Variants in CA8 observed in about 807,000 individuals in gnomAD.
The protein encoded by CA8 is carbonic anhydrase-related protein.
A neutral mutation model predicts 41.4 loss-of-function variants in CA8; 22 were observed. The ratio of observed to expected loss-of-function variants is 0.53; its 90% CI spans 0.38 to 0.76. The LOEUF (loss-of-function observed/expected upper bound fraction) is 0.76, where lower values mean the gene tolerates loss of function less well. CA8 is among the 30% of genes least tolerant of loss of function. The pLI, the probability that CA8 is intolerant of heterozygous loss-of-function variation, is 0.00. For missense variants in CA8, 270 were observed against 352.8 expected (o/e 0.77, Z 1.88); for synonymous variants, 121 against 130.6 (o/e 0.93, Z 0.50).
chr8:60,252,390 T>C (rs531510268), intron 3 of CA8, among the ~76,000 whole-genome samples: 1 of 152,342 alleles, frequency 6.6e-6, no homozygotes, highest in Non-Finnish European at 1.5e-5. Context: ...GTTAAGACCA[T>C]CGGACTTTAA....
At position 60,185,801 on chromosome 8, in the gene CA8, A is replaced by G. The variant is rs1263803172; in HGVS notation, c.*4220T>C. On this transcript the variant is annotated 3_prime_UTR_variant, in exon 9 of 9. Coordinates refer to ENST00000317995, the MANE Select transcript of CA8 (RefSeq NM_004056.6). Reference sequence around the variant, plus strand: ...CCTTATATAAAAATATATTAAAAAAAGGACTTCTGCCTGGAATGAAGTGAC... The same window carrying G: ...CCTTATATAAAAATATATTAAAAAAGGGACTTCTGCCTGGAATGAAGTGAC... Among the ~76,000 whole-genome samples the G allele has an allele frequency of 2.0e-5, 3 of 152,126 alleles. No individual in the cohort carries two copies. Among genetic ancestry groups the G allele is most frequent in the Non-Finnish European group, 4.4e-5 (3 of 68,002 alleles).
intron 3 of CA8, among the ~76,000 whole-genome samples, chr8:60,261,018 T>C (rs1405762030): frequency 2.6e-5 from 4 of 152,026 alleles, no homozygotes; most frequent in Non-Finnish European, 5.9e-5. Context: ...GGAGCAGCAA[T>C]CTTAAAGACC....
In CA8 at chr8:60,189,099, A is replaced by C. The variant is rs1585830708; in HGVS notation, c.*922T>G. ...ACGCTTACATCTGCTAGTGGCACCT[A>C]AAATAAGGATATTGTTGGTCATCTT... On this transcript the variant is annotated 3_prime_UTR_variant, in exon 9 of 9. Transcript: ENST00000317995. 6.6e-6 allele frequency: 1 copy of C among 152,180 alleles called. No individual in the cohort carries two copies. Among genetic ancestry groups the C allele is most frequent in the East Asian group, 1.9e-4 (1 of 5,194 alleles). 9.4% of individuals were successfully genotyped at this position (152,180 alleles called of 1,614,324 possible).
chr8:60,247,815 T>C (rs1321869502), intron 3 of CA8, among the ~76,000 whole-genome samples: 2 of 152,228 alleles, frequency 1.3e-5, no homozygotes, highest in South Asian at 4.1e-4. Flanking sequence ...TTCTAGATCC[T>C]TGAGGAATCG....
intron 2 of CA8, among the ~76,000 whole-genome samples, chr8:60,269,585 A>T (rs1804004100): frequency 6.6e-6 from 1 of 152,220 alleles, no homozygotes; most frequent in South Asian, 2.1e-4. Flanking sequence ...TAAAGACATG[A>T]TGTATATACA....
At chr8:60,268,931 C>G (rs1024775227) in intron 2 of CA8, among the ~76,000 whole-genome samples, 10 of 152,152 alleles carry the variant, frequency 6.6e-5, no homozygotes, top group Non-Finnish European at 2.9e-5. Context: ...TGTTTTGCCC[C>G]AGCCTGGTTC....
intron 2 of CA8, among the ~76,000 whole-genome samples, chr8:60,271,934 G>A (rs1804085828): frequency 6.6e-6 from 1 of 152,190 alleles, no homozygotes; most frequent in African/African-American, 2.4e-5. Context: ...TTGTCCTGCT[G>A]AGAAGCTAAA....
At position 60,186,488 on chromosome 8, in the gene CA8, G is replaced by A. The variant is rs961436138; in HGVS notation, c.*3533C>T. On this transcript the variant is annotated 3_prime_UTR_variant, in exon 9 of 9. Transcript: ENST00000317995. ...AAAAAGTAATAGAGGAGGAATAAAG[G>A]AACAACAACAAAAAGATACAAGACA... Among the ~76,000 whole-genome samples the A allele has an allele frequency of 6.7e-6, 1 of 150,236 alleles. No individual in the cohort carries two copies. Among genetic ancestry groups the A allele is most frequent in the Non-Finnish European group, 1.5e-5 (1 of 67,400 alleles).
intron 8 of CA8, among the ~76,000 whole-genome samples, chr8:60,207,517 C>T (rs1475241164): frequency 2.0e-5 from 3 of 152,200 alleles, no homozygotes; most frequent in East Asian, 1.9e-4. Context: ...AGGGCCTCCC[C>T]GCAGCTTTCC....
chr8:60,211,242 A>G lies in CA8; in HGVS notation c.739-2323T>C, dbSNP rs566793330. On this transcript the variant is annotated intron_variant, in intron 7 of 8. Transcript: ENST00000317995. Reference sequence around the variant, plus strand: ...CAAGCACATAGGAAGTGTCTGACAAATACTAGCACTTCTATTGCACAACTT... The same window carrying G: ...CAAGCACATAGGAAGTGTCTGACAAGTACTAGCACTTCTATTGCACAACTT... Among the ~76,000 whole-genome samples the G allele has an allele frequency of 2.0e-5, 3 of 152,382 alleles. No individual in the cohort carries two copies. In the East Asian group the frequency reaches 5.8e-4, roughly 29 times the overall value.
intron 3 of CA8, among the ~76,000 whole-genome samples, chr8:60,236,524 T>A (rs886360731): frequency 2.6e-5 from 4 of 152,180 alleles, no homozygotes; most frequent in African/African-American, 9.7e-5. Context: ...GAAGTTTAAA[T>A]CTGATGACGA....
chr8:60,271,514 G>A (rs558323111), intron 2 of CA8, among the ~76,000 whole-genome samples: 9 of 152,122 alleles, frequency 5.9e-5, no homozygotes, highest in Non-Finnish European at 1.3e-4. Flanking sequence ...TTAAAAAGTT[G>A]CCATGTTTGG....
intron 2 of CA8, among the ~76,000 whole-genome samples, chr8:60,270,717 C>CA (rs1804043524): frequency 6.6e-6 from 1 of 152,162 alleles, no homozygotes; most frequent in Non-Finnish European, 1.5e-5. Flanking sequence ...TGCCCAGCTC[C>CA]AAAGGGTTCA....
intron 8 of CA8, among the ~76,000 whole-genome samples, chr8:60,202,605 C>T (rs1585846255): frequency 1.3e-5 from 2 of 152,158 alleles, no homozygotes; most frequent in East Asian, 3.9e-4. Context: ...TCTAAGATAG[C>T]TTAACAAGAT....
At chr8:60,212,056 T>G (rs1383242071) in intron 7 of CA8, among the ~76,000 whole-genome samples, 1 of 152,212 alleles carries the variant, frequency 6.6e-6, no homozygotes, top group Non-Finnish European at 1.5e-5. Context: ...TTTAACCAAT[T>G]TAAGAGAAAA....
At chr8:60,258,190 C>G (rs1325446238) in intron 3 of CA8, among the ~76,000 whole-genome samples, 1 of 152,134 alleles carries the variant, frequency 6.6e-6, no homozygotes, top group Non-Finnish European at 1.5e-5. Context: ...CGGCAGTGCT[C>G]ATGTTTAAGT....
chr8:60,238,580 C>A (rs1344167863), intron 3 of CA8, among the ~76,000 whole-genome samples: 2 of 152,110 alleles, frequency 1.3e-5, no homozygotes, highest in Non-Finnish European at 2.9e-5. Context: ...CCTGGGACCC[C>A]CGTGCCTTTA....
At chr8:60,269,652 T>C (rs1168930338) in intron 2 of CA8, among the ~76,000 whole-genome samples, 1 of 152,236 alleles carries the variant, frequency 6.6e-6, no homozygotes, top group East Asian at 1.9e-4. Flanking sequence ...ATTTACCAGA[T>C]AATTCAAAGG....
intron 3 of CA8, among the ~76,000 whole-genome samples, chr8:60,263,882 A>G (rs1803816272): frequency 6.6e-6 from 1 of 152,260 alleles, no homozygotes; most frequent in Admixed American, 6.5e-5. Flanking sequence ...TCAACAGGAT[A>G]GAGCACTAAG....
Sources: gnomAD v4.1 joint callset for allele counts (sites outside exome capture counted in the v4.1 genomes callset) on GRCh38, gnomAD v4.1.1 for gene constraint, MANE v1.5 for transcripts, NCBI Gene and HGNC (gene_info 2026-07-23, HGNC 2026-07-21) for gene names.